MFSD1: variants seen among roughly 807,000 people sequenced by gnomAD.
MFSD1 encodes the protein major facilitator superfamily domain containing 1, also known as lysosomal dipeptide transporter MFSD1.
Under a neutral mutation model 67.1 loss-of-function variants are expected in MFSD1, and 59 were observed. The ratio of observed to expected loss-of-function variants is 0.88; its 90% CI spans 0.71 to 1.09. The LOEUF is 1.09. MFSD1 is among the 50% of genes least tolerant of loss of function. The probability of loss-of-function intolerance (pLI) is 0.00; values close to 1 mark genes in which losing one functional copy is unlikely to be tolerated. For missense variants in MFSD1, 552 were observed against 566.1 expected (o/e 0.97, Z 0.25); for synonymous variants, 213 against 200.3 (o/e 1.06, Z -0.54).
rs1041954349 is a variant in MFSD1, at chr3:158,809,271, T to G, written c.533T>G (p.Leu178Arg). The G allele has an allele frequency of 6.2e-7, 1 of 1,604,812 alleles. No homozygotes were observed. Among genetic ancestry groups the G allele is most frequent in the African/African-American group, 1.3e-5 (1 of 74,352 alleles). Residue 178 changes from leucine to arginine, a missense_variant, in exon 6 of 16, where the codon CTT becomes CGT. By Grantham distance (102) the Leu-to-Arg change is moderately radical (BLOSUM62 -2). Transcript: ENST00000415822. ...KELNLVFGLQ[L>R]SMARIGSTVN... ...TTAAACCTGGTGTTTGGACTTCAAC[T>G]TAGCATGGCTAGAATTGTAAGTATA...
intron 6 of MFSD1, among the ~76,000 whole-genome samples, chr3:158,812,056 A>G (rs975361348): frequency 6.6e-6 from 1 of 152,262 alleles, no homozygotes; most frequent in East Asian, 1.9e-4. Context: ...TTCAAGTAAC[A>G]ATAGTGAAGG....
At chr3:158,805,115 C>T (rs968190389) in intron 2 of MFSD1, among the ~76,000 whole-genome samples, 1 of 152,070 alleles carries the variant, frequency 6.6e-6, no homozygotes, top group Non-Finnish European at 1.5e-5. Context: ...CCAGGAAGCC[C>T]CTGAAATGGC....
chr3:158,827,916 G>T (rs1731075361), intron 15 of MFSD1, among the ~76,000 whole-genome samples: 1 of 88,072 alleles, frequency 1.1e-5, no homozygotes, highest in African/African-American at 6.8e-5. Flanking sequence ...GAGAGAGGGG[G>T]AGAGAGAGAG....
At chr3:158,822,230 TGACAA>T in intron 11 of MFSD1, 90 bp downstream of exon 11, 1 of 1,274,862 alleles carries the variant, frequency 7.8e-7, no homozygotes, top group Non-Finnish European at 1.1e-6. Flanking sequence ...CAAATTCAGA[TGACAA>T]GGCCTATGAT....
At chr3:158,802,948 C>G (rs1256456528) in intron 1 of MFSD1, among the ~76,000 whole-genome samples, 1 of 152,110 alleles carries the variant, frequency 6.6e-6, no homozygotes, top group African/African-American at 2.4e-5. Flanking sequence ...CGTCGGCAGT[C>G]TTCTATATAT....
At position 158,823,501 on chromosome 3, in the gene MFSD1, A is replaced by T. The variant is rs1269166752; in HGVS notation, c.1151A>T (p.His384Leu). Residue 384 changes from histidine (H) to leucine (L), a missense_variant, in exon 12 of 16, where the codon CAT becomes CTT. His to Leu is a moderately conservative substitution (Grantham distance 99). Coordinates refer to ENST00000415822, the MANE Select transcript of MFSD1 (RefSeq NM_022736.4). ...WPMVAFVVPE[H>L]QLGTAYGFMQ... ...ATGGTGGCATTTGTAGTTCCTGAAC[A>T]TCAGCTGGGAACTGCATATGGCTTG... The T allele has an allele frequency of 1.9e-6, 3 of 1,612,780 alleles. No individual in the cohort carries two copies. In the South Asian group the frequency reaches 3.3e-5, roughly 18 times the overall value.
At position 158,802,137 on chromosome 3, in the gene MFSD1, G is replaced by C. The variant is rs577490116; in HGVS notation, c.-16G>C. On this transcript the variant is annotated 5_prime_UTR_variant, in exon 1 of 16. Coordinates refer to ENST00000415822, the MANE Select transcript of MFSD1 (RefSeq NM_022736.4). ...GAGTTGTCACCACTTTCCCCTCTCC[G>C]TCTCCTGCGGGCGCAATGGAGGAGG... 1.4e-4 allele frequency: 222 copies of C among 1,611,742 alleles called. 1 individual carries two copies. The South Asian group carries it at 2.2e-3, about 16-fold the overall frequency.
rs145556638 is a variant in MFSD1 at position 158,819,440 on chromosome 3, G to A, written c.653-209G>A. 259 of 404,258 alleles carry A rather than the reference G, an allele frequency of 6.4e-4. No individual in the cohort carries two copies. The East Asian group carries it at 9.3e-3, about 15-fold the overall frequency. The allele number at this position is 404,258 out of a possible 1,614,324, so 25.0% of individuals were successfully genotyped here. A position where few individuals can be genotyped will look rare whatever the true frequency, so the allele number is the denominator to read the frequency against. On this transcript the variant is annotated intron_variant, in intron 7 of 15. Coordinates refer to ENST00000415822, the MANE Select transcript of MFSD1 (RefSeq NM_022736.4). ...CTTTAACTTTGAACTGTGAAATAAT[G>A]CAGTAAAAGCTACTACTGTTTGCTG...
rs74533646 is a variant in MFSD1 at position 158,824,521 on chromosome 3, T to C, written c.1288+285T>C. On this transcript the variant is annotated intron_variant, in intron 13 of 15. Coordinates refer to ENST00000415822, the MANE Select transcript of MFSD1 (RefSeq NM_022736.4). ...GGAACAATTTGAAGAGTCCTGAGTA[T>C]ATCCTTAATGTGACTATGTGGAAAC... 109 of 293,904 alleles carry C rather than the reference T, an allele frequency of 3.7e-4. 4 individuals are homozygous for C. In the East Asian group the frequency reaches 7.6e-3, roughly 21 times the overall value. 18.2% of individuals were successfully genotyped at this position (293,904 alleles called of 1,614,324 possible).
intron 5 of MFSD1, chr3:158,808,922 T>C (rs1453056316): frequency 1.3e-5 from 5 of 375,074 alleles, no homozygotes; most frequent in Admixed American, 4.2e-5. Flanking sequence ...GGGGTAGTGG[T>C]TCAGGGCTCC....
At chr3:158,818,646 C>T (rs1320153557) in intron 7 of MFSD1, among the ~76,000 whole-genome samples, 1 of 152,044 alleles carries the variant, frequency 6.6e-6, no homozygotes, top group East Asian at 1.9e-4. Flanking sequence ...CCTTATAATT[C>T]CTTGGTCGAT....
At chr3:158,803,805 T>C (rs1431154701) in intron 1 of MFSD1, among the ~76,000 whole-genome samples, 1 of 152,218 alleles carries the variant, frequency 6.6e-6, no homozygotes, top group East Asian at 1.9e-4. Context: ...TTCATTTTTT[T>C]TTCACTCCTG....
chr3:158,813,790 A>G (rs953024464), intron 6 of MFSD1, among the ~76,000 whole-genome samples, 175 bp from the exon 7 acceptor site: 1 of 143,692 alleles, frequency 7.0e-6, no homozygotes, highest in Non-Finnish European at 1.5e-5. Context: ...CTGCTGTCGT[A>G]ACTATCTGTG....
At chr3:158,824,415 A>G (rs529514975) in intron 13 of MFSD1, 179 bp downstream of exon 13, 1 of 581,710 alleles carries the variant, frequency 1.7e-6, no homozygotes, top group East Asian at 2.9e-5. Context: ...TCCTATCCTT[A>G]AAGGCAGTGA....
At chr3:158,826,233 T>C (rs572036557) in intron 14 of MFSD1, among the ~76,000 whole-genome samples, 171 bp downstream of exon 14, 2 of 152,288 alleles carry the variant, frequency 1.3e-5, no homozygotes, top group African/African-American at 4.8e-5. Context: ...TTCTGGGCCT[T>C]CATATTTATT....
chr3:158,810,336 A>G (rs1033491397), intron 6 of MFSD1, among the ~76,000 whole-genome samples: 10 of 152,162 alleles, frequency 6.6e-5, no homozygotes, highest in Middle Eastern at 3.2e-3. Context: ...TGCCACTAAA[A>G]ATCAAGCTTT....
At position 158,805,397 on chromosome 3, in the gene MFSD1, G is replaced by C; in HGVS notation, c.252G>C (p.Leu84=). Residue 84 remains leucine, a synonymous_variant, in exon 3 of 16, where the codon CTG becomes CTC. Transcript: ENST00000415822. ...MQVNTTKFML[L]YAWYSWPNVV... is the part of the protein sequence containing the mutation. ...TGAATACCACGAAATTCATGCTGCTGTATGCCTGGTATTCTTGGCCCAATG... is the reference window on the plus strand; with the variant it reads ...TGAATACCACGAAATTCATGCTGCTCTATGCCTGGTATTCTTGGCCCAATG... The C allele has an allele frequency of 6.2e-7, 1 of 1,614,060 alleles. No homozygotes were observed. The highest frequency in any genetic ancestry group is 8.5e-7 in the Non-Finnish European group (1 of 1,179,928).
intron 5 of MFSD1, among the ~76,000 whole-genome samples, chr3:158,808,054 G>A (rs1729813913): frequency 6.6e-6 from 1 of 152,204 alleles, no homozygotes; most frequent in African/African-American, 2.4e-5. Flanking sequence ...GCTTTGCACA[G>A]GTGTCAGGAG....
chr3:158,828,320 A>T (rs1731119452), intron 15 of MFSD1, among the ~76,000 whole-genome samples: 1 of 152,108 alleles, frequency 6.6e-6, no homozygotes, highest in Non-Finnish European at 1.5e-5. Context: ...ATGTGATTGT[A>T]ATTGTTGTGA....
Sources: allele counts gnomAD v4.1 joint callset (sites outside exome capture counted in the v4.1 genomes callset), GRCh38; gene constraint gnomAD v4.1.1; transcripts MANE v1.5; gene names NCBI Gene and HGNC (gene_info 2026-07-23, HGNC 2026-07-21).